DNAH9: variants seen among roughly 807,000 people sequenced by gnomAD.
The protein encoded by DNAH9 is dynein axonemal heavy chain 9.
DNAH9 carries 345 observed loss-of-function variants against 471.6 expected under a neutral mutation model. That is an observed-to-expected ratio of 0.73 (90% CI 0.67 to 0.80). The LOEUF (loss-of-function observed/expected upper bound fraction) is 0.80, where lower values mean the gene tolerates loss of function less well. DNAH9 is among the 30% of genes least tolerant of loss of function. DNAH9 has a pLI of 0.00. For missense variants in DNAH9, 5,407 were observed against 5,609.2 expected (o/e 0.96, Z 1.15); for synonymous variants, 2,093 against 2,123.6 (o/e 0.99, Z 0.40).
rs1567763237 is a variant in DNAH9, at chr17:11,738,988, G to A, written c.5923G>A (p.Gly1975Ser). The A allele has an allele frequency of 6.2e-7, 1 of 1,614,130 alleles. No homozygotes were observed. Among genetic ancestry groups the A allele is most frequent in the Non-Finnish European group, 8.5e-7 (1 of 1,179,996 alleles). ...SVGIFITMNP[G>S]YAGRTELPEN... ...CGGTATCTTCATCACCATGAACCCA[G>A]GCTATGCTGGCCGCACAGAGCTGCC... Residue 1975 changes from glycine (G) to serine (S), a missense_variant, in exon 29 of 69, where the codon GGC becomes AGC. Coordinates refer to ENST00000262442, the MANE Select transcript of DNAH9 (RefSeq NM_001372.4).
At chr17:11,675,293 G>A (rs572457925) in intron 17 of DNAH9, among the ~76,000 whole-genome samples, 18 of 151,988 alleles carry the variant, frequency 1.2e-4, no homozygotes, top group South Asian at 4.2e-4. Flanking sequence ...TTCATATCAC[G>A]CAATCCTGCT....
At position 11,769,110 on chromosome 17, in the gene DNAH9, C is replaced by T. The variant is rs1447641440; in HGVS notation, c.7345-12C>T. ...GCCCACCCTTGGCAGGCTTATTGTG[C>T]TCCCATTCCAGGCGTGTTTGGTGCA... is the stretch of plus-strand genomic sequence containing the variant. On this transcript the variant is annotated splice_polypyrimidine_tract_variant and intron_variant, in intron 37 of 68. Transcript: ENST00000262442. 1.9e-6 allele frequency: 3 copies of T among 1,614,118 alleles called. No individual in the cohort carries two copies. The highest frequency in any genetic ancestry group is 2.5e-6 in the Non-Finnish European group (3 of 1,179,986).
chr17:11,623,908 T>C lies in DNAH9; in HGVS notation c.1350+4127T>C, dbSNP rs1265232638. 4.6e-5 allele frequency among the ~76,000 whole-genome samples: 7 copies of C among 152,190 alleles called. No individual in the cohort carries two copies. Among genetic ancestry groups the C allele is most frequent in the Non-Finnish European group, 1.0e-4 (7 of 68,042 alleles). On this transcript the variant is annotated intron_variant, in intron 6 of 68. Coordinates refer to ENST00000262442, the MANE Select transcript of DNAH9 (RefSeq NM_001372.4). The surrounding 1 kb of genome is among the most constrained non-coding windows in gnomAD (Gnocchi z 4.1). Reference sequence around the variant, plus strand: ...GAGTTGCTTTTTTATTCTTTCACTCTTTTTGCACAAGAGAATTTTGTTGTG... The same window carrying C: ...GAGTTGCTTTTTTATTCTTTCACTCCTTTTGCACAAGAGAATTTTGTTGTG...
intron 26 of DNAH9, among the ~76,000 whole-genome samples, chr17:11,713,706 T>C (rs2074912985): frequency 6.6e-6 from 1 of 152,230 alleles, no homozygotes; most frequent in Admixed American, 6.5e-5. Flanking sequence ...TTCGCTTGTG[T>C]ACAGGAGAAA....
At chr17:11,913,687 C>T (rs1451630982) in intron 61 of DNAH9, among the ~76,000 whole-genome samples, 2 of 151,036 alleles carry the variant, frequency 1.3e-5, no homozygotes, top group African/African-American at 4.9e-5. Context: ...GAGGCTGAGG[C>T]AGGAGAATGG....
intron 48 of DNAH9, among the ~76,000 whole-genome samples, chr17:11,825,157 A>G (rs1171415069): frequency 1.3e-5 from 2 of 152,122 alleles, no homozygotes; most frequent in Non-Finnish European, 2.9e-5. Context: ...ATCCCAGTCT[A>G]GGTCCTAGGA....
chr17:11,655,887 T>TAC (rs2073634703), intron 14 of DNAH9, among the ~76,000 whole-genome samples: 1 of 150,854 alleles, frequency 6.6e-6, no homozygotes, highest in East Asian at 2.1e-4. Context: ...TATATATATA[T>TAC]ATACATATAT....
At chr17:11,698,159 T>A (rs1241597002) in intron 22 of DNAH9, among the ~76,000 whole-genome samples, 1 of 95,834 alleles carries the variant, frequency 1.0e-5, no homozygotes, top group Admixed American at 1.4e-4. Flanking sequence ...ATATTATTAA[T>A]ATATTATTAT....
intron 52 of DNAH9, 140 bp downstream of exon 52, chr17:11,871,926 C>T (rs1279018190): frequency 1.4e-5 from 13 of 897,990 alleles, no homozygotes; most frequent in East Asian, 2.6e-5. Context: ...GTGAAACCTG[C>T]GTACCCGTGT....
Position 11,784,428 on chromosome 17 carries a change from A to G in DNAH9, c.7950A>G (p.Pro2650=). 4 of 1,614,002 alleles carry G rather than the reference A, an allele frequency of 2.5e-6. No individual in the cohort carries two copies. Among genetic ancestry groups the G allele is most frequent in the Non-Finnish European group, 3.4e-6 (4 of 1,180,014 alleles). ...FPASLQKSIP[P]LIDLALAFHQ... Reference sequence around the variant, plus strand: ...CGTCCCTGCAGAAATCCATCCCCCCACTGATCGATCTGGCCCTCGCCTTCC... The same window carrying G: ...CGTCCCTGCAGAAATCCATCCCCCCGCTGATCGATCTGGCCCTCGCCTTCC... The change falls in exon 41 of 69, where the codon CCA becomes CCG. Residue 2650 remains proline, a synonymous_variant. Coordinates refer to ENST00000262442, the MANE Select transcript of DNAH9 (RefSeq NM_001372.4).
At chr17:11,630,988 G>A (rs568320128) in intron 7 of DNAH9, among the ~76,000 whole-genome samples, 1 of 152,260 alleles carries the variant, frequency 6.6e-6, no homozygotes, top group African/African-American at 2.4e-5. Flanking sequence ...ACTGCTAAGG[G>A]AAGAACAGGC....
At chr17:11,791,256 T>G (rs1969054277) in intron 41 of DNAH9, among the ~76,000 whole-genome samples, 1 of 152,238 alleles carries the variant, frequency 6.6e-6, no homozygotes, top group African/African-American at 2.4e-5. Flanking sequence ...TTTGAAGGCT[T>G]CTTTTATTGT....
At chr17:11,685,802 T>A (rs1037708268) in intron 19 of DNAH9, among the ~76,000 whole-genome samples, 12 of 56,474 alleles carry the variant, frequency 2.1e-4, no homozygotes, top group Admixed American at 5.5e-4. Context: ...GATACATTAA[T>A]TTTTTTTTTT....
intron 40 of DNAH9, among the ~76,000 whole-genome samples, chr17:11,783,961 T>G (rs1968762848): frequency 6.6e-6 from 1 of 152,116 alleles, no homozygotes; most frequent in African/African-American, 2.4e-5. Context: ...TCTGATTTGA[T>G]CCCTCTTTCT....
intron 25 of DNAH9, 140 bp downstream of exon 25, chr17:11,704,582 CTTT>C (rs34814778): frequency 4.7e-3 from 2,460 of 522,316 alleles, no homozygotes; most frequent in Middle Eastern, 7.4e-3. Context: ...GCTGCTCCTA[CTTT>C]TTTTTTTTTT....
intron 59 of DNAH9, among the ~76,000 whole-genome samples, chr17:11,899,648 T>C (rs1973338540): frequency 6.6e-6 from 1 of 152,186 alleles, no homozygotes; most frequent in African/African-American, 2.4e-5. Flanking sequence ...TGTAATTTGC[T>C]CAGTTTTGTG....
At chr17:11,601,894 G>A (rs1330372846) in intron 1 of DNAH9, among the ~76,000 whole-genome samples, 1 of 152,168 alleles carries the variant, frequency 6.6e-6, no homozygotes, top group Non-Finnish European at 1.5e-5. Context: ...CGGTTTGGGG[G>A]TAGGATTGAG....
intron 15 of DNAH9, 137 bp downstream of exon 15, chr17:11,665,105 G>A (rs1207286678): frequency 6.8e-6 from 5 of 730,580 alleles, no homozygotes; most frequent in Middle Eastern, 2.8e-4. Context: ...TGATGCACAG[G>A]AAAACAGAAA....
rs998077291 is a variant in DNAH9 at position 11,848,660 on chromosome 17, G to A, written c.9508-5343G>A. 3.9e-5 allele frequency among the ~76,000 whole-genome samples: 6 copies of A among 152,120 alleles called. No homozygotes were observed. In the East Asian group the frequency reaches 5.8e-4, roughly 15 times the overall value. Reference sequence around the variant, plus strand: ...AAATCCCACTTCCAAGAAGATTGCCGTAAGTAACTAAAATTTTCACTTACA... The same window carrying A: ...AAATCCCACTTCCAAGAAGATTGCCATAAGTAACTAAAATTTTCACTTACA... On this transcript the variant is annotated intron_variant, in intron 49 of 68. Coordinates refer to ENST00000262442, the MANE Select transcript of DNAH9 (RefSeq NM_001372.4).
Sources: allele counts gnomAD v4.1 joint callset (sites outside exome capture counted in the v4.1 genomes callset), GRCh38; gene constraint gnomAD v4.1.1; non-coding constraint Gnocchi (gnomAD v3.1); transcripts MANE v1.5; gene names NCBI Gene and HGNC (gene_info 2026-07-23, HGNC 2026-07-21).